The following EPB41L3 variants were observed in gnomAD, a reference collection of about 807,000 sequenced individuals.
EPB41L3 encodes band 4.1-like protein 3.
EPB41L3 carries 57 observed loss-of-function variants against 127.1 expected under a neutral mutation model. The observed-to-expected ratio is 0.45, with a 90% confidence interval of 0.36 to 0.56. EPB41L3 has a LOEUF of 0.56. EPB41L3 is among the 20% of genes least tolerant of loss of function. EPB41L3 has a pLI of 0.00. For synonymous variants in EPB41L3, 572 were observed against 549.5 expected (o/e 1.04, Z -0.57); for missense variants, 1,273 against 1,372.2 (o/e 0.93, Z 1.14).
At chr18:5,519,990 G>A (rs2092920947) in intron 1 of EPB41L3, among the ~76,000 whole-genome samples, 1 of 152,180 alleles carries the variant, frequency 6.6e-6, no homozygotes, top group Non-Finnish European at 1.5e-5. Flanking sequence ...GAATGGAACT[G>A]TTTTGCTTTT....
At chr18:5,401,578 T>A (rs1483150319) in intron 16 of EPB41L3, among the ~76,000 whole-genome samples, 1 of 152,170 alleles carries the variant, frequency 6.6e-6, no homozygotes, top group Non-Finnish European at 1.5e-5. Flanking sequence ...CTTAGATGGA[T>A]TGATTTATTG....
At chr18:5,488,659 C>T (rs1168722350) in intron 2 of EPB41L3, among the ~76,000 whole-genome samples, 1 of 152,026 alleles carries the variant, frequency 6.6e-6, no homozygotes, top group Non-Finnish European at 1.5e-5. Flanking sequence ...AATGCAAACT[C>T]ACTCTAGCCC....
At chr18:5,481,674 G>A (rs567632994) in intron 2 of EPB41L3, among the ~76,000 whole-genome samples, 12 of 152,324 alleles carry the variant, frequency 7.9e-5, no homozygotes, top group African/African-American at 2.9e-4. Flanking sequence ...CTTGGCCAAA[G>A]GAGACACTGA....
intron 3 of EPB41L3, among the ~76,000 whole-genome samples, chr18:5,475,549 G>A (rs760458122): frequency 6.6e-6 from 1 of 152,174 alleles, no homozygotes; most frequent in Non-Finnish European, 1.5e-5. Context: ...ATTACAAAAT[G>A]GTTTTGACAA....
chr18:5,526,131 C>T (rs2093211995), intron 1 of EPB41L3, among the ~76,000 whole-genome samples: 1 of 152,168 alleles, frequency 6.6e-6, no homozygotes, highest in Non-Finnish European at 1.5e-5. Flanking sequence ...ATTTGCTGTT[C>T]CAGGCCTGAG....
At chr18:5,613,460 C>T (rs1411446651) in intron 2 of EPB41L3, among the ~76,000 whole-genome samples, 1 of 152,150 alleles carries the variant, frequency 6.6e-6, no homozygotes, top group African/African-American at 2.4e-5. Context: ...AAATTCCTAG[C>T]CCTATTTCCC....
chr18:5,514,916 T>C (rs1014855008), intron 1 of EPB41L3, among the ~76,000 whole-genome samples: 2 of 152,210 alleles, frequency 1.3e-5, no homozygotes, highest in East Asian at 1.9e-4. Context: ...AATCAACATA[T>C]GCTGAATAGT....
chr18:5,541,068 G>C (rs2093709331), intron 1 of EPB41L3, among the ~76,000 whole-genome samples: 2 of 136,520 alleles, frequency 1.5e-5, no homozygotes, highest in Admixed American at 7.4e-5. Context: ...CTGGGCGACA[G>C]AGCGAGACTC....
chr18:5,457,488 G>A (rs1303045633), intron 3 of EPB41L3, among the ~76,000 whole-genome samples: 1 of 151,808 alleles, frequency 6.6e-6, no homozygotes, highest in African/African-American at 2.4e-5. Context: ...ATTTAGGGAG[G>A]TCATCCCTGA....
chr18:5,503,590 C>T (rs1378649557), intron 1 of EPB41L3, among the ~76,000 whole-genome samples: 3 of 152,200 alleles, frequency 2.0e-5, no homozygotes, highest in African/African-American at 4.8e-5. Flanking sequence ...GGTGATTCTT[C>T]CACAAACTAA....
intron 22 of EPB41L3, chr18:5,393,685 C>G: frequency 4.4e-6 from 2 of 450,388 alleles, no homozygotes; most frequent in Non-Finnish European, 7.8e-6. Context: ...TGGAAGAAAT[C>G]TGTTTTATTT....
chr18:5,565,304 C>G (rs1045757904), intron 3 of EPB41L3, among the ~76,000 whole-genome samples: 1 of 151,788 alleles, frequency 6.6e-6, no homozygotes, highest in Non-Finnish European at 1.5e-5. Context: ...CCCAGATACT[C>G]GTGAGGCTGA....
chr18:5,620,361 C>T (rs915360202), intron 1 of EPB41L3, among the ~76,000 whole-genome samples: 3 of 152,068 alleles, frequency 2.0e-5, no homozygotes, highest in Admixed American at 6.6e-5. Flanking sequence ...GAAAAATACA[C>T]GTGGAGTAAC....
At chr18:5,572,068 G>A (rs915251452) in intron 3 of EPB41L3, among the ~76,000 whole-genome samples, 10 of 152,124 alleles carry the variant, frequency 6.6e-5, no homozygotes, top group Non-Finnish European at 1.2e-4. Flanking sequence ...AGAGTCAGAC[G>A]ACAGTCTCAC....
At chr18:5,441,631 A>G (rs1030281332) in intron 5 of EPB41L3, among the ~76,000 whole-genome samples, 2 of 151,950 alleles carry the variant, frequency 1.3e-5, no homozygotes, top group East Asian at 3.9e-4. Flanking sequence ...ATGCCCGGCT[A>G]ATTTTTGTAT....
intron 3 of EPB41L3, among the ~76,000 whole-genome samples, chr18:5,597,400 T>A (rs115114995): frequency 0.012 from 1,773 of 152,324 alleles, 27 homozygotes; most frequent in African/African-American, 0.035. Flanking sequence ...ATCCCATTAG[T>A]GCATTACATT....
chr18:5,532,205 T>A (rs1285874949), intron 1 of EPB41L3, among the ~76,000 whole-genome samples: 1 of 152,198 alleles, frequency 6.6e-6, no homozygotes, highest in African/African-American at 2.4e-5. Flanking sequence ...ATGCCAAGTC[T>A]CTGGGCTCTG....
intron 21 of EPB41L3, 36 bp from the exon 22 acceptor site, chr18:5,394,829 A>G: frequency 6.3e-7 from 1 of 1,596,116 alleles, no homozygotes; most frequent in Non-Finnish European, 8.6e-7. Context: ...CAGAAACAAA[A>G]AGGAGGTGGA....
intron 3 of EPB41L3, among the ~76,000 whole-genome samples, chr18:5,457,795 C>G (rs142399040): frequency 6.6e-6 from 1 of 152,138 alleles, no homozygotes; most frequent in African/African-American, 2.4e-5. Flanking sequence ...AAGCCTTCTA[C>G]CCGTTCGTCC....
Sources: allele counts gnomAD v4.1 joint callset (sites outside exome capture counted in the v4.1 genomes callset), GRCh38; gene constraint gnomAD v4.1.1; transcripts MANE v1.5; gene names NCBI Gene and HGNC (gene_info 2026-07-23, HGNC 2026-07-21).